The following CDH13 variants were observed in gnomAD, a reference collection of about 807,000 sequenced individuals.
CDH13 encodes the protein cadherin 13, also known as cadherin-13.
In CDH13, 24 loss-of-function variants were observed where a neutral mutation model predicts 63.8. That is an observed-to-expected ratio of 0.38 (90% CI 0.27 to 0.53). CDH13 has a LOEUF of 0.53. Among genes scored for constraint, CDH13 ranks in the 20% least tolerant of loss-of-function variants. The pLI is 0.85. For synonymous variants in CDH13, 503 were observed against 355.3 expected (o/e 1.42, Z -4.67); for missense variants, 1,049 against 903.1 (o/e 1.16, Z -2.07).
At chr16:83,099,126 A>G (rs899691223) in intron 3 of CDH13, among the ~76,000 whole-genome samples, 48 of 152,270 alleles carry the variant, frequency 3.2e-4, no homozygotes, top group African/African-American at 1.1e-3. Context: ...TATAAGATCT[A>G]ACTTCTAAGA....
rs201813951 is a variant in CDH13, at chr16:83,368,883, GTT to G, written c.781+23878_781+23879del. 3.0e-3 allele frequency among the ~76,000 whole-genome samples: 75 copies of G among 25,324 alleles called. 1 individual carries two copies. The highest frequency in any genetic ancestry group is 4.3e-3 in the African/African-American group (42 of 9,810). The allele number at this position is 25,324 out of a possible 152,430, so 16.6% of individuals were successfully genotyped here. On this transcript the variant is annotated intron_variant, in intron 6 of 13. Coordinates refer to ENST00000567109, the MANE Select transcript of CDH13 (RefSeq NM_001257.5). ...TTATGGCTGAGTAGTAGTATTCCAT[GTT>G]ATATATATATATATATATATATATA...
At chr16:83,428,602 T>G (rs979449852) in intron 6 of CDH13, among the ~76,000 whole-genome samples, 4 of 152,182 alleles carry the variant, frequency 2.6e-5, no homozygotes, top group Admixed American at 2.0e-4. Context: ...AATCAGAACT[T>G]TGGTGCTTGG....
intron 8 of CDH13, among the ~76,000 whole-genome samples, chr16:83,657,264 T>C (rs777790402): frequency 2.2e-4 from 34 of 152,196 alleles, no homozygotes; most frequent in Non-Finnish European, 4.6e-4. Flanking sequence ...CATTGCTACA[T>C]TGTTCCTGAG....
intron 11 of CDH13, among the ~76,000 whole-genome samples, chr16:83,748,697 C>G (rs173839): frequency 3.3e-5 from 5 of 151,980 alleles, no homozygotes; most frequent in Admixed American, 2.0e-4. Context: ...CATCAGGTAC[C>G]CTCAGTTAGT....
chr16:82,782,692 T>C (rs16958616), intron 1 of CDH13, among the ~76,000 whole-genome samples: 15,991 of 152,264 alleles, frequency 0.11, 929 homozygotes, highest in East Asian at 0.24. Flanking sequence ...CTTGACATCT[T>C]TGACCAAAAA....
At chr16:82,879,684 A>G (rs1030449758) in intron 2 of CDH13, among the ~76,000 whole-genome samples, 1 of 139,034 alleles carries the variant, frequency 7.2e-6, no homozygotes, top group African/African-American at 2.6e-5. Context: ...AAATTATAAT[A>G]TATAATAATA....
At chr16:83,734,340 C>T (rs1472683307) in intron 10 of CDH13, among the ~76,000 whole-genome samples, 2 of 152,162 alleles carry the variant, frequency 1.3e-5, no homozygotes, top group East Asian at 3.9e-4. Flanking sequence ...TAATCGGGTG[C>T]TGCTGCAGCC....
intron 3 of CDH13, among the ~76,000 whole-genome samples, chr16:83,095,892 A>G (rs1216355560): frequency 2.0e-5 from 3 of 152,216 alleles, no homozygotes; most frequent in African/African-American, 7.2e-5. Context: ...ATAAAACAAT[A>G]TTCGTAAGTA....
At chr16:83,528,716 A>G (rs1297324227) in intron 7 of CDH13, among the ~76,000 whole-genome samples, 2 of 152,244 alleles carry the variant, frequency 1.3e-5, no homozygotes, top group African/African-American at 4.8e-5. Context: ...GAACAGCATT[A>G]AAACACTAAG....
intron 1 of CDH13, among the ~76,000 whole-genome samples, chr16:82,814,196 A>G (rs1456952863): frequency 1.3e-5 from 2 of 152,158 alleles, no homozygotes; most frequent in Non-Finnish European, 2.9e-5. Context: ...GGCAGACAGC[A>G]TCTAAGAGCT....
intron 1 of CDH13, among the ~76,000 whole-genome samples, chr16:82,763,948 C>T (rs1343106049): frequency 2.0e-5 from 3 of 152,160 alleles, no homozygotes; most frequent in South Asian, 2.1e-4. Context: ...GCTGGGATTA[C>T]GGGTGTGAGC....
At chr16:82,668,358 A>G (rs1186527332) in intron 1 of CDH13, among the ~76,000 whole-genome samples, 1 of 152,114 alleles carries the variant, frequency 6.6e-6, no homozygotes, top group Non-Finnish European at 1.5e-5. Flanking sequence ...CCTAGGACAT[A>G]TTGCCTAAGC....
chr16:82,731,234 G>A (rs752922640), intron 1 of CDH13, among the ~76,000 whole-genome samples: 8 of 152,130 alleles, frequency 5.3e-5, no homozygotes, highest in Non-Finnish European at 8.8e-5. Context: ...TGTGGGCACC[G>A]AACCCTCTGT....
chr16:83,384,363 C>G (rs535725028), intron 6 of CDH13, among the ~76,000 whole-genome samples: 7 of 152,306 alleles, frequency 4.6e-5, no homozygotes, highest in Admixed American at 3.3e-4. Context: ...CTGGTCCTTC[C>G]TTTCTTCCCT....
intron 2 of CDH13, among the ~76,000 whole-genome samples, chr16:82,901,323 C>A (rs1052247186): frequency 4.9e-5 from 5 of 101,972 alleles, no homozygotes; most frequent in Non-Finnish European, 9.5e-5. Flanking sequence ...ATAGTATTCT[C>A]CTGTGTGTGT....
At chr16:83,720,598 C>A (rs1004680831) in intron 10 of CDH13, among the ~76,000 whole-genome samples, 7 of 152,000 alleles carry the variant, frequency 4.6e-5, no homozygotes, top group Non-Finnish European at 5.9e-5. Flanking sequence ...AAAAAAGACA[C>A]AAGGGGAGCC....
In CDH13 at chr16:82,627,105, A is replaced by G. The variant is rs768988280; in HGVS notation, c.13A>G (p.Thr5Ala). ...CTAGTCGGACAAAATGCAGCCGAGA[A>G]CTCCGCTCGTTCTGTGCGTTCTCCT... MQPR[T>A]PLVLCVLLSQ... The change falls in exon 1 of 14, where the codon ACT becomes GCT. Residue 5 changes from threonine to alanine, a missense_variant. By Grantham distance (58) the Thr-to-Ala change is moderately conservative (BLOSUM62 0). Transcript: ENST00000567109. 6.2e-7 allele frequency: 1 copy of G among 1,605,380 alleles called. No individual in the cohort carries two copies. The highest frequency in any genetic ancestry group is 8.5e-7 in the Non-Finnish European group (1 of 1,176,360).
At chr16:82,835,616 T>C (rs966482189) in intron 1 of CDH13, among the ~76,000 whole-genome samples, 3 of 152,190 alleles carry the variant, frequency 2.0e-5, no homozygotes, top group Non-Finnish European at 2.9e-5. Flanking sequence ...AGTAGGTGCA[T>C]ACAGTCCTAT....
chr16:83,727,862 A>G (rs1598599740), intron 10 of CDH13, among the ~76,000 whole-genome samples: 1 of 152,054 alleles, frequency 6.6e-6, no homozygotes, highest in Non-Finnish European at 1.5e-5. Context: ...GTTGGCGGGG[A>G]GGGCAGCCAT....
Sources: gnomAD v4.1 joint callset for allele counts (sites outside exome capture counted in the v4.1 genomes callset) on GRCh38, gnomAD v4.1.1 for gene constraint, MANE v1.5 for transcripts, NCBI Gene and HGNC (gene_info 2026-07-23, HGNC 2026-07-21) for gene names.